The following AGAP1 variants were observed in gnomAD, a reference collection of about 807,000 sequenced individuals.
The protein encoded by AGAP1 is ArfGAP with GTPase domain, ankyrin repeat and PH domain 1, also known as arf-GAP with GTPase, ANK repeat and PH domain-containing protein 1.
In AGAP1, 29 loss-of-function variants were observed where a neutral mutation model predicts 105.3. The observed-to-expected ratio is 0.28, with a 90% CI of 0.21 to 0.38. The LOEUF (loss-of-function observed/expected upper bound fraction) is 0.38. Among genes scored for constraint, AGAP1 ranks in the 10% least tolerant of loss-of-function variants. The probability of loss-of-function intolerance (pLI) is 1.00; values close to 1 mark genes in which losing one functional copy is unlikely to be tolerated. For missense variants in AGAP1, 998 were observed against 1,165.1 expected (o/e 0.86, Z 2.09); for synonymous variants, 509 against 485.9 (o/e 1.05, Z -0.63).
intron 9 of AGAP1, among the ~76,000 whole-genome samples, chr2:235,859,640 G>A (rs1046199508): frequency 5.3e-5 from 8 of 150,884 alleles, no homozygotes; most frequent in African/African-American, 1.5e-4. Flanking sequence ...AGAGAGACTC[G>A]CATTTGTCCG....
Position 236,040,778 on chromosome 2 carries a change from A to G in AGAP1, c.1828A>G (p.Met610Val), listed in dbSNP as rs1157500552. Reference protein sequence around the residue: ...KSRLTSQSEAMALQSIRNMRG... With the variant: ...KSRLTSQSEAVALQSIRNMRG... ...CCGGCTGACGAGCCAGAGCGAGGCC[A>G]TGGCCCTGCAGTCGATCCGGAACAT... The change falls in exon 15 of 18, where the codon ATG becomes GTG. Residue 610 changes from methionine to valine, a missense_variant. Met to Val is a conservative substitution (Grantham distance 21). This residue lies in a region of AGAP1 where 735 missense variants were observed against 833.4 expected (regional missense o/e 0.88). Transcript: ENST00000304032. This position sits in a 1 kb window ranked among gnomAD's most constrained non-coding sequence, Gnocchi z 5.6. 3 of 1,613,650 alleles carry G rather than the reference A, an allele frequency of 1.9e-6. No individual in the cohort carries two copies. Among genetic ancestry groups the G allele is most frequent in the South Asian group, 2.2e-5 (2 of 91,048 alleles).
In AGAP1 at chr2:235,888,667, T is replaced by C. The variant is rs7572874; in HGVS notation, c.1155+5218T>C. Among the ~76,000 whole-genome samples the C allele has an allele frequency of 0.046, 6,904 of 151,584 alleles. 373 individuals are homozygous for C. Among genetic ancestry groups the C allele is most frequent in the African/African-American group, 0.13 (5,288 of 41,198 alleles). On this transcript the variant is annotated intron_variant, in intron 10 of 17. Coordinates refer to ENST00000304032, the MANE Select transcript of AGAP1 (RefSeq NM_001037131.3). This position sits in a 1 kb window ranked among gnomAD's most constrained non-coding sequence, Gnocchi z 4.8. ...TCACAGTGAGCTATGATCGTGCCACTGCACTCCAGCTTGGGCGACCATGCA... is the reference window on the plus strand; with the variant it reads ...TCACAGTGAGCTATGATCGTGCCACCGCACTCCAGCTTGGGCGACCATGCA...
intron 16 of AGAP1, among the ~76,000 whole-genome samples, chr2:236,068,610 C>G (rs1224891907): frequency 7.0e-6 from 1 of 141,986 alleles, no homozygotes; most frequent in African/African-American, 2.6e-5. Flanking sequence ...ACCATCCTGG[C>G]TAACACGGTG....
intron 11 of AGAP1, among the ~76,000 whole-genome samples, chr2:235,911,494 AAGT>A (rs1219717657): frequency 6.6e-6 from 1 of 152,238 alleles, no homozygotes; most frequent in Non-Finnish European, 1.5e-5. Context: ...CACTATGTAA[AAGT>A]AGGATTTTGA....
intron 9 of AGAP1, among the ~76,000 whole-genome samples, chr2:235,854,287 T>G (rs2048594347): frequency 6.6e-6 from 1 of 152,196 alleles, no homozygotes; most frequent in Non-Finnish European, 1.5e-5. Flanking sequence ...GAATATTGCA[T>G]GGAGTAGACC....
chr2:235,782,682 G>C (rs571346303), intron 6 of AGAP1, among the ~76,000 whole-genome samples: 1 of 152,320 alleles, frequency 6.6e-6, no homozygotes, highest in African/African-American at 2.4e-5. Context: ...CTGTGTAGCA[G>C]TACCAGTGGG....
intron 1 of AGAP1, among the ~76,000 whole-genome samples, chr2:235,687,066 G>T (rs1276101760): frequency 6.6e-6 from 1 of 152,094 alleles, no homozygotes; most frequent in African/African-American, 2.4e-5. Context: ...CTGCTCACTT[G>T]ACATGCAGAT....
intron 1 of AGAP1, among the ~76,000 whole-genome samples, chr2:235,576,493 G>A (rs567078343): frequency 2.0e-5 from 3 of 152,190 alleles, no homozygotes; most frequent in Non-Finnish European, 4.4e-5. Flanking sequence ...TCTCCTCTCC[G>A]TGTGCTGGAA....
Position 235,643,457 on chromosome 2 carries a change from A to G in AGAP1, c.164-65722A>G, listed in dbSNP as rs12614463. ...AAAAAAAAAAAAAAAAAAAAAAAAA[A>G]AAAGAAAGAAAGTTTAAAGGATGTT... On this transcript the variant is annotated intron_variant, in intron 1 of 17. Transcript: ENST00000304032. Among the ~76,000 whole-genome samples the G allele has an allele frequency of 8.8e-3, 1,239 of 140,428 alleles. 23 individuals carry two copies. The highest frequency in any genetic ancestry group is 0.029 in the African/African-American group (1,088 of 36,906). 92.1% of individuals were successfully genotyped at this position (140,428 alleles called of 152,430 possible).
rs1000576513 is a variant in AGAP1, at chr2:235,692,690, C to T, written c.164-16489C>T. On this transcript the variant is annotated intron_variant, in intron 1 of 17. Transcript: ENST00000304032. This position sits in a 1 kb window ranked among gnomAD's most constrained non-coding sequence, Gnocchi z 5.8. Reference sequence around the variant, plus strand: ...GCACCTCAGAGAAGCCGATGACTGACGTGCACCCCGCCAGCCTCCCTGCTT... The same window carrying T: ...GCACCTCAGAGAAGCCGATGACTGATGTGCACCCCGCCAGCCTCCCTGCTT... Among the ~76,000 whole-genome samples, 5 of 152,186 alleles carry T rather than the reference C, an allele frequency of 3.3e-5. No individual in the cohort carries two copies. The highest frequency in any genetic ancestry group is 2.0e-4 in the Admixed American group (3 of 15,284).
chr2:235,874,797 C>T lies in AGAP1; in HGVS notation c.1051-8548C>T, dbSNP rs572363359. ...TAGCATTACTCCTAGAACCAAGATA[C>T]CATGAGTGTGTGTGTGCATGTGTGT... On this transcript the variant is annotated intron_variant, in intron 9 of 17. Coordinates refer to ENST00000304032, the MANE Select transcript of AGAP1 (RefSeq NM_001037131.3). This position sits in a 1 kb window ranked among gnomAD's most constrained non-coding sequence, Gnocchi z 4.5. Among the ~76,000 whole-genome samples the T allele has an allele frequency of 1.4e-4, 22 of 152,166 alleles. No individual in the cohort carries two copies. The highest frequency in any genetic ancestry group is 2.4e-4 in the Non-Finnish European group (16 of 68,038).
rs537354577 is a variant in AGAP1, at chr2:235,958,024, A to G, written c.1484-10438A>G. Among the ~76,000 whole-genome samples the G allele has an allele frequency of 2.6e-5, 4 of 152,362 alleles. No individual in the cohort carries two copies. The East Asian group carries it at 5.8e-4, about 22-fold the overall frequency. ...GCAGGGGGCCGATACATACGTGCTT[A>G]GCATTTTCCTCTCTCTTTTCTTTTG... On this transcript the variant is annotated intron_variant, in intron 12 of 17. Transcript: ENST00000304032. This position sits in a 1 kb window ranked among gnomAD's most constrained non-coding sequence, Gnocchi z 4.1.
At position 235,612,286 on chromosome 2, in the gene AGAP1, A is replaced by G. The variant is rs113246654; in HGVS notation, c.164-96893A>G. Among the ~76,000 whole-genome samples, 2 of 152,216 alleles carry G rather than the reference A, an allele frequency of 1.3e-5. No individual in the cohort carries two copies. Among genetic ancestry groups the G allele is most frequent in the African/African-American group, 4.8e-5 (2 of 41,542 alleles). ...TCATCTCAGGGGTGCTTGTGAATTG[A>G]TTGCACCCCTCCTGTGGCGTGGAGG... On this transcript the variant is annotated intron_variant, in intron 1 of 17. Coordinates refer to ENST00000304032, the MANE Select transcript of AGAP1 (RefSeq NM_001037131.3). The surrounding 1 kb of genome is among the most constrained non-coding windows in gnomAD (Gnocchi z 4.3).
chr2:235,528,346 GCCCCCTCCCCCTCCCCCGC>G (rs908729490), intron 1 of AGAP1, among the ~76,000 whole-genome samples: 1 of 147,702 alleles, frequency 6.8e-6, no homozygotes, highest in African/African-American at 2.5e-5. Flanking sequence ...GTGCACTCAG[GCCCCCTCCCCCTCCCCCGC>G]CCCCTCCCCT....
intron 11 of AGAP1, among the ~76,000 whole-genome samples, chr2:235,921,496 G>A (rs1354859114): frequency 6.6e-6 from 1 of 151,812 alleles, no homozygotes; most frequent in Admixed American, 6.6e-5. Flanking sequence ...TTTTTTCCTT[G>A]ACATCATAAT....
At chr2:235,786,572 C>G (rs946500639) in intron 6 of AGAP1, among the ~76,000 whole-genome samples, 3 of 152,206 alleles carry the variant, frequency 2.0e-5, no homozygotes, top group Non-Finnish European at 2.9e-5. Context: ...AAATGGTACA[C>G]TCAGCTCTCT....
intron 5 of AGAP1, among the ~76,000 whole-genome samples, chr2:235,749,352 G>T (rs1953235700): frequency 1.3e-5 from 2 of 152,020 alleles, no homozygotes; most frequent in South Asian, 4.2e-4. Flanking sequence ...GGCAGGGCTG[G>T]GGGTGGGGAA....
At position 235,982,221 on chromosome 2, in the gene AGAP1, C is replaced by T. The variant is rs886624993; in HGVS notation, c.1645+13598C>T. On this transcript the variant is annotated intron_variant, in intron 13 of 17. Coordinates refer to ENST00000304032, the MANE Select transcript of AGAP1 (RefSeq NM_001037131.3). This position sits in a 1 kb window ranked among gnomAD's most constrained non-coding sequence, Gnocchi z 4.9. The stretch of plus-strand genomic sequence containing the variant: ...TTTACCTGGACAAGTAAATCCATTT[C>T]TCACATTTAAAGAGAATCAAAGAGT... Among the ~76,000 whole-genome samples, 34 of 152,200 alleles carry T rather than the reference C, an allele frequency of 2.2e-4. No individual in the cohort carries two copies. The highest frequency in any genetic ancestry group is 1.3e-3 in the Admixed American group (20 of 15,278).
chr2:236,089,610 G>C lies in AGAP1; in HGVS notation c.2115-30582G>C, dbSNP rs757701919. ...TTCTTTGGCACTGGAGAACAAAGAAGAGTTTGCACAGAAGAAAAGGGAGGT... is the reference window on the plus strand; with the variant it reads ...TTCTTTGGCACTGGAGAACAAAGAACAGTTTGCACAGAAGAAAAGGGAGGT... On this transcript the variant is annotated intron_variant, in intron 16 of 17. Transcript: ENST00000304032. This position sits in a 1 kb window ranked among gnomAD's most constrained non-coding sequence, Gnocchi z 5.6. 2.6e-5 allele frequency among the ~76,000 whole-genome samples: 4 copies of C among 152,200 alleles called. No homozygotes were observed. The highest frequency in any genetic ancestry group is 4.8e-5 in the African/African-American group (2 of 41,460).
Sources: gnomAD v4.1 joint callset for allele counts (sites outside exome capture counted in the v4.1 genomes callset) on GRCh38, gnomAD v4.1.1 for gene constraint, gnomAD v4.1.1 regional missense constraint, Gnocchi (gnomAD v3.1) non-coding constraint, MANE v1.5 for transcripts, NCBI Gene and HGNC (gene_info 2026-07-23, HGNC 2026-07-21) for gene names.